ASIC2: variants seen among roughly 807,000 people sequenced by gnomAD.
ASIC2 encodes acid sensing ion channel subunit 2.
In ASIC2, 25 loss-of-function variants were observed where a neutral mutation model predicts 57.3. That is an observed-to-expected ratio of 0.44 (90% confidence interval 0.32 to 0.61). The LOEUF (loss-of-function observed/expected upper bound fraction) is 0.61. Among genes scored for constraint, ASIC2 ranks in the 20% least tolerant of loss-of-function variants. The probability of loss-of-function intolerance (pLI) is 0.06; values close to 1 mark genes in which losing one functional copy is unlikely to be tolerated. For synonymous variants in ASIC2, 319 were observed against 307.5 expected (o/e 1.04, Z -0.39); for missense variants, 641 against 738.1 (o/e 0.87, Z 1.52).
chr17:33,190,187 G>A (rs1906357725), intron 1 of ASIC2, among the ~76,000 whole-genome samples: 1 of 152,084 alleles, frequency 6.6e-6, no homozygotes, highest in African/African-American at 2.4e-5. Flanking sequence ...TGTTTAGTAA[G>A]GCTGAATAAT....
At chr17:33,648,566 C>G (rs1047710036) in intron 1 of ASIC2, among the ~76,000 whole-genome samples, 10 of 152,240 alleles carry the variant, frequency 6.6e-5, no homozygotes, top group African/African-American at 2.2e-4. Context: ...AAGACAGGGT[C>G]ATCTAGAAAC....
intron 1 of ASIC2, among the ~76,000 whole-genome samples, chr17:33,550,938 C>T (rs146792090): frequency 1.1e-4 from 17 of 152,058 alleles, no homozygotes; most frequent in African/African-American, 4.1e-4. Context: ...GGAACAAGAA[C>T]GTGAAAAGAT....
intron 1 of ASIC2, among the ~76,000 whole-genome samples, chr17:34,031,242 A>G (rs1316300577): frequency 6.6e-6 from 1 of 152,222 alleles, no homozygotes; most frequent in Admixed American, 6.5e-5. Context: ...GTGGATACCC[A>G]GGCAAACAGG....
At chr17:34,122,235 G>A (rs1911643103) in intron 1 of ASIC2, among the ~76,000 whole-genome samples, 1 of 152,152 alleles carries the variant, frequency 6.6e-6, no homozygotes, top group Admixed American at 6.5e-5. Flanking sequence ...TATCTTCCTG[G>A]TATTCCCAAG....
intron 1 of ASIC2, among the ~76,000 whole-genome samples, chr17:33,487,450 C>A (rs189313617): frequency 6.0e-4 from 92 of 152,322 alleles, no homozygotes; most frequent in Admixed American, 3.5e-3. Context: ...CTGGCCCTTC[C>A]ATTTATGAGC....
At chr17:33,039,150 C>A (rs901206508) in intron 3 of ASIC2, among the ~76,000 whole-genome samples, 5 of 152,180 alleles carry the variant, frequency 3.3e-5, no homozygotes, top group African/African-American at 1.2e-4. Context: ...TCACCTGATA[C>A]CCACCTGGCT....
chr17:33,320,425 C>T (rs984342491), intron 1 of ASIC2, among the ~76,000 whole-genome samples: 4 of 152,148 alleles, frequency 2.6e-5, no homozygotes, highest in African/African-American at 9.7e-5. Flanking sequence ...AGGCTTCCCA[C>T]ACTATCTCAG....
chr17:33,526,255 C>T (rs80294905), intron 1 of ASIC2, among the ~76,000 whole-genome samples: 1,761 of 152,246 alleles, frequency 0.012, 14 homozygotes, highest in Middle Eastern at 0.037. Flanking sequence ...ATCTCTCAGA[C>T]GCTTTTCTTT....
At chr17:33,203,245 C>A (rs1295862735) in intron 1 of ASIC2, among the ~76,000 whole-genome samples, 1 of 152,172 alleles carries the variant, frequency 6.6e-6, no homozygotes, top group Non-Finnish European at 1.5e-5. Flanking sequence ...TTTTTATAGC[C>A]CCAAAGCTTA....
intron 1 of ASIC2, among the ~76,000 whole-genome samples, chr17:33,375,012 T>C (rs1437660018): frequency 6.6e-6 from 1 of 152,216 alleles, no homozygotes; most frequent in African/African-American, 2.4e-5. Context: ...AGCCCAAGAA[T>C]CTATTTTTTA....
intron 1 of ASIC2, among the ~76,000 whole-genome samples, chr17:34,074,714 T>C (rs1909559463): frequency 6.6e-6 from 1 of 151,922 alleles, no homozygotes; most frequent in Non-Finnish European, 1.5e-5. Context: ...CTGAGCATTA[T>C]AAAGTTTCAA....
At chr17:33,088,388 T>C (rs61203675) in intron 3 of ASIC2, among the ~76,000 whole-genome samples, 1,578 of 152,152 alleles carry the variant, frequency 0.01, 31 homozygotes, top group African/African-American at 0.031. Flanking sequence ...CCCAGCGCTA[T>C]ATCAAAGAGA....
intron 1 of ASIC2, among the ~76,000 whole-genome samples, chr17:33,220,588 T>C (rs1393916125): frequency 6.6e-6 from 1 of 152,194 alleles, no homozygotes; most frequent in Non-Finnish European, 1.5e-5. Flanking sequence ...TCTTTATCTA[T>C]GGAAAAATAT....
chr17:33,846,624 A>G (rs1913612052), intron 1 of ASIC2, among the ~76,000 whole-genome samples: 1 of 152,048 alleles, frequency 6.6e-6, no homozygotes, highest in Non-Finnish European at 1.5e-5. Flanking sequence ...TCAAAACTGG[A>G]TGTTTGCCGT....
At chr17:33,281,912 G>A (rs1553042) in intron 1 of ASIC2, among the ~76,000 whole-genome samples, 62,815 of 152,016 alleles carry the variant, frequency 0.41, 14,562 homozygotes, top group African/African-American at 0.62. Context: ...TCCTGAGGCA[G>A]TCTCCTTTCT....
At chr17:33,458,020 A>C (rs1397225618) in intron 1 of ASIC2, among the ~76,000 whole-genome samples, 2 of 151,886 alleles carry the variant, frequency 1.3e-5, no homozygotes, top group Non-Finnish European at 2.9e-5. Context: ...GCTGTGGGGG[A>C]AGGGGATTCT....
intron 8 of ASIC2, among the ~76,000 whole-genome samples, chr17:33,016,428 G>A (rs1405393603): frequency 6.6e-6 from 1 of 152,072 alleles, no homozygotes; most frequent in Non-Finnish European, 1.5e-5. Context: ...TCACTTGCTA[G>A]GCCTGACACT....
intron 1 of ASIC2, among the ~76,000 whole-genome samples, chr17:34,091,841 T>C (rs968810848): frequency 2.0e-5 from 3 of 152,172 alleles, no homozygotes; most frequent in Non-Finnish European, 4.4e-5. Context: ...CATATACAGA[T>C]TGGAATCCCA....
At chr17:33,741,233 T>C (rs1244612648) in intron 1 of ASIC2, among the ~76,000 whole-genome samples, 4 of 152,200 alleles carry the variant, frequency 2.6e-5, no homozygotes, top group African/African-American at 9.6e-5. Flanking sequence ...CACCAGTAGG[T>C]TGGAAAGCAT....
Sources: gnomAD v4.1 joint callset for allele counts (sites outside exome capture counted in the v4.1 genomes callset) on GRCh38, gnomAD v4.1.1 for gene constraint, MANE v1.5 for transcripts, NCBI Gene and HGNC (gene_info 2026-07-23, HGNC 2026-07-21) for gene names.